Variants in CCAR1 observed in about 807,000 individuals in gnomAD.
The protein encoded by CCAR1 is cell division cycle and apoptosis regulator protein 1.
In CCAR1, 78 loss-of-function variants were observed where a neutral mutation model predicts 163.8. That is an observed-to-expected ratio of 0.48 (90% CI 0.40 to 0.57). The LOEUF (loss-of-function observed/expected upper bound fraction) is 0.57, where lower values mean the gene tolerates loss of function less well. Ranked by LOEUF, CCAR1 falls within the 20% of genes least tolerant of loss-of-function variation. The pLI, the probability that CCAR1 is intolerant of heterozygous loss-of-function variation, is 0.00. For missense variants in CCAR1, 1,019 were observed against 1,365.2 expected (o/e 0.75, Z 4.00); for synonymous variants, 443 against 460.7 (o/e 0.96, Z 0.49).
rs928670048 is a variant in CCAR1 at position 68,749,579 on chromosome 10, C to T, written c.1012C>T (p.Arg338Cys). 7.4e-6 allele frequency: 12 copies of T among 1,613,782 alleles called. No individual in the cohort carries two copies. In the East Asian group the frequency reaches 1.3e-4, roughly 18 times the overall value. Residue 338 changes from arginine to cysteine, a missense_variant, in exon 10 of 25, where the codon CGT (arginine) becomes TGT (cysteine). Arg to Cys is a radical substitution (Grantham distance 180). Transcript: ENST00000265872. ...RSRERSPQRK[R>C]SRERSPRRER... ...GAGAGAAAGATCACCTCAGAGGAAA[C>T]GTTCCCGGGAAAGATCTCCACGAAG... is the stretch of plus-strand genomic sequence containing the variant.
Position 68,771,367 on chromosome 10 carries a change from T to G in CCAR1, c.2460T>G (p.Asp820Glu). ...ERKDKKEERD[D>E]ETDEPKPKRR... ...AAGATAAAAAAGAAGAAAGAGATGA[T>G]GAAACTGATGAACCAAAACCCAAAC... The change falls in exon 18 of 25, where the codon GAT (aspartate) becomes GAG (glutamate). Residue 820 changes from aspartate (D) to glutamate (E), a missense_variant. By Grantham distance (45) the Asp-to-Glu change is conservative. This residue lies in a region of CCAR1 where 358 missense variants were observed against 406.4 expected (regional missense o/e 0.88). Transcript: ENST00000265872. 6.3e-7 allele frequency: 1 copy of G among 1,598,430 alleles called. No individual in the cohort carries two copies. The highest frequency in any genetic ancestry group is 1.3e-5 in the African/African-American group (1 of 74,424).
At position 68,772,191 on chromosome 10, in the gene CCAR1, T is replaced by C. The variant is rs189107445; in HGVS notation, c.2538+746T>C. Among the ~76,000 whole-genome samples the C allele has an allele frequency of 2.4e-3, 369 of 152,246 alleles. 1 individual carries two copies. Among genetic ancestry groups the C allele is most frequent in the Non-Finnish European group, 4.5e-3 (307 of 68,012 alleles). ...ACCGCACCCAGCCTAATTATTATTA[T>C]ACATTTATAGTATGGGCATAGTGGC... is the stretch of plus-strand genomic sequence containing the variant. On this transcript the variant is annotated intron_variant, in intron 18 of 24. Coordinates refer to ENST00000265872, the MANE Select transcript of CCAR1 (RefSeq NM_018237.4).
intron 21 of CCAR1, among the ~76,000 whole-genome samples, chr10:68,787,366 A>G (rs527434342): frequency 2.0e-5 from 3 of 152,220 alleles, no homozygotes; most frequent in Admixed American, 6.5e-5. Context: ...CAGATGTACC[A>G]TAATTTACCT....
At chr10:68,760,382 GT>G (rs538919923) in intron 15 of CCAR1, among the ~76,000 whole-genome samples, 2 of 151,998 alleles carry the variant, frequency 1.3e-5, no homozygotes, top group South Asian at 2.1e-4. Context: ...GTTTTGTGGG[GT>G]TTTTTCCCCC....
At chr10:68,783,329 ACGCC>A (rs1384087396) in intron 19 of CCAR1, among the ~76,000 whole-genome samples, 2 of 151,618 alleles carry the variant, frequency 1.3e-5, no homozygotes, top group African/African-American at 4.8e-5. Flanking sequence ...AGCCACCACC[ACGCC>A]TGGCTAATTT....
Position 68,738,897 on chromosome 10 carries a change from A to G in CCAR1, c.291+1008A>G, listed in dbSNP as rs181286391. Among the ~76,000 whole-genome samples, 361 of 152,298 alleles carry G rather than the reference A, an allele frequency of 2.4e-3. 2 individuals carry two copies. Among genetic ancestry groups the G allele is most frequent in the African/African-American group, 7.8e-3 (325 of 41,586 alleles). Reference sequence around the variant, plus strand: ...CCCTCTCTCTACTAAAAATAGAAAAATTAGCTGGGCCTGGTGGTGCACAGC... The same window carrying G: ...CCCTCTCTCTACTAAAAATAGAAAAGTTAGCTGGGCCTGGTGGTGCACAGC... On this transcript the variant is annotated intron_variant, in intron 4 of 24. Transcript: ENST00000265872.
intron 10 of CCAR1, among the ~76,000 whole-genome samples, chr10:68,752,018 G>C (rs372880083): frequency 1.4e-5 from 2 of 146,808 alleles, no homozygotes; most frequent in Non-Finnish European, 3.0e-5. Context: ...CCGGGTTCAC[G>C]CCATTCTCCT....
chr10:68,749,281 T>C lies in CCAR1; in HGVS notation c.956+16T>C. 6.3e-7 allele frequency: 1 copy of C among 1,596,936 alleles called. No individual in the cohort carries two copies. The highest frequency in any genetic ancestry group is 8.5e-7 in the Non-Finnish European group (1 of 1,173,388). On this transcript the variant is annotated intron_variant, in intron 9 of 24. Transcript: ENST00000265872. ...ATGATCGAAGGTATATTTTCTAAAG[T>C]GTACTGTGGATGGTGGCAATGGTTG...
At chr10:68,789,216 A>T (rs2056827748) in intron 23 of CCAR1, among the ~76,000 whole-genome samples, 1 of 151,882 alleles carries the variant, frequency 6.6e-6, no homozygotes, top group Admixed American at 6.6e-5. Context: ...GCCTCCACTT[A>T]GTTTTTACCA....
Position 68,787,915 on chromosome 10 carries a change from C to T in CCAR1, c.2881-12C>T. 2 of 1,587,040 alleles carry T rather than the reference C, an allele frequency of 1.3e-6. No individual in the cohort carries two copies. Among genetic ancestry groups the T allele is most frequent in the Admixed American group, 1.9e-5 (1 of 51,658 alleles). The stretch of plus-strand genomic sequence containing the variant: ...TTCATCTCTGTATTTTGTTTACTTG[C>T]ATGCATAACAGGTAAAGAAGCTTCT... On this transcript the variant is annotated splice_polypyrimidine_tract_variant and intron_variant, in intron 21 of 24. Coordinates refer to ENST00000265872, the MANE Select transcript of CCAR1 (RefSeq NM_018237.4).
At chr10:68,751,270 A>G (rs190024094) in intron 10 of CCAR1, among the ~76,000 whole-genome samples, 40 of 151,932 alleles carry the variant, frequency 2.6e-4, no homozygotes, top group African/African-American at 9.4e-4. Flanking sequence ...CAGGTGATCC[A>G]GTCGCCTCAG....
intron 2 of CCAR1, among the ~76,000 whole-genome samples, chr10:68,725,957 T>C (rs1251562155): frequency 5.3e-5 from 8 of 151,554 alleles, no homozygotes; most frequent in Admixed American, 1.3e-4. Context: ...CTGCAGAAAC[T>C]CAAAAATTAG....
intron 1 of CCAR1, chr10:68,721,744 C>T: frequency 3.1e-6 from 1 of 322,994 alleles, no homozygotes; most frequent in Non-Finnish European, 6.3e-6. Flanking sequence ...TCGCCGGCGG[C>T]CGGCACGGAG....
intron 15 of CCAR1, among the ~76,000 whole-genome samples, chr10:68,759,987 A>C (rs2056448252): frequency 1.3e-5 from 2 of 151,934 alleles, no homozygotes; most frequent in Non-Finnish European, 2.9e-5. Context: ...GACATGTTCC[A>C]CCATGCCTGG....
At position 68,771,414 on chromosome 10, in the gene CCAR1, A is replaced by G; in HGVS notation, c.2507A>G (p.Lys836Arg). The change falls in exon 18 of 25, where the codon AAA becomes AGA. Residue 836 changes from lysine (K) to arginine (R), a missense_variant. By Grantham distance (26) the Lys-to-Arg change is conservative. This residue lies in a region of CCAR1 where 358 missense variants were observed against 406.4 expected (regional missense o/e 0.88). Transcript: ENST00000265872. The part of the protein sequence containing the change: ...KPKRRKSGDD[K>R]DKKEDRDERK... ...AAACGGAGAAAATCAGGCGATGATA[A>G]AGATAAAAAAGAAGATAGAGATGAA... The G allele has an allele frequency of 6.3e-7, 1 of 1,583,108 alleles. No homozygotes were observed. Among genetic ancestry groups the G allele is most frequent in the African/African-American group, 1.4e-5 (1 of 73,148 alleles).
intron 19 of CCAR1, among the ~76,000 whole-genome samples, chr10:68,782,437 A>G (rs539099840): frequency 6.6e-6 from 1 of 152,160 alleles, no homozygotes; most frequent in African/African-American, 2.4e-5. Flanking sequence ...AAAAAAAGGC[A>G]CATTGAAACA....
intron 16 of CCAR1, 67 bp downstream of exon 16, chr10:68,761,259 C>T (rs1371449107): frequency 5.1e-6 from 4 of 782,862 alleles, no homozygotes; most frequent in African/African-American, 1.8e-5. Context: ...TCTTGGAATA[C>T]GTGAGTTAAG....
rs973902347 is a variant in CCAR1, at chr10:68,791,571, T to C, written c.*305T>C. Reference sequence around the variant, plus strand: ...AGTTTAATTGACTGTAGTATTTAATTACCAAATTTCTTTTATTAAAATGCC... The same window carrying C: ...AGTTTAATTGACTGTAGTATTTAATCACCAAATTTCTTTTATTAAAATGCC... On this transcript the variant is annotated 3_prime_UTR_variant, in exon 25 of 25. Coordinates refer to ENST00000265872, the MANE Select transcript of CCAR1 (RefSeq NM_018237.4). 1 of 177,672 alleles carries C rather than the reference T, an allele frequency of 5.6e-6. No individual in the cohort carries two copies. Among genetic ancestry groups the C allele is most frequent in the Non-Finnish European group, 1.2e-5 (1 of 84,348 alleles). 11.0% of individuals were successfully genotyped at this position (177,672 alleles called of 1,614,324 possible). A position where few individuals can be genotyped will look rare whatever the true frequency, so the allele number is the denominator to read the frequency against.
intron 4 of CCAR1, among the ~76,000 whole-genome samples, chr10:68,739,842 C>T (rs1370392315): frequency 6.6e-6 from 1 of 152,136 alleles, no homozygotes; most frequent in Non-Finnish European, 1.5e-5. Flanking sequence ...ATGGTGACTC[C>T]AGGTAAACTG....
Sources: allele counts gnomAD v4.1 joint callset (sites outside exome capture counted in the v4.1 genomes callset), GRCh38; gene constraint gnomAD v4.1.1; regional missense constraint gnomAD v4.1.1; transcripts MANE v1.5; gene names NCBI Gene and HGNC (gene_info 2026-07-23, HGNC 2026-07-21).